The following TTC19 variants were observed in gnomAD, a reference collection of about 807,000 sequenced individuals.
The protein encoded by TTC19 is tetratricopeptide repeat protein 19, mitochondrial.
TTC19 carries 38 observed loss-of-function variants against 49.5 expected under a neutral mutation model. The observed-to-expected ratio is 0.77, with a 90% CI of 0.59 to 1.01. The LOEUF (loss-of-function observed/expected upper bound fraction) is 1.01. TTC19 is among the 50% of genes least tolerant of loss of function. The probability of loss-of-function intolerance (pLI) is 0.00; values close to 1 mark genes in which losing one functional copy is unlikely to be tolerated. For missense variants in TTC19, 475 were observed against 477.7 expected, an observed-to-expected ratio of 0.99 and a Z score of 0.05; for synonymous variants, 204 against 185.2, an observed-to-expected ratio of 1.10 and a Z score of -0.83.
chr17:16,012,447 C>T (rs1397630714), intron 7 of TTC19, among the ~76,000 whole-genome samples: 2 of 151,970 alleles, frequency 1.3e-5, no homozygotes, highest in Non-Finnish European at 2.9e-5. Flanking sequence ...CACCTGTGGT[C>T]CAGCCTGGGT....
At chr17:16,019,889 G>A (rs1409602418) in intron 7 of TTC19, among the ~76,000 whole-genome samples, 2 of 151,802 alleles carry the variant, frequency 1.3e-5, no homozygotes, top group African/African-American at 4.8e-5. Context: ...CATTTTGGGA[G>A]GCTGAGGCAG....
chr17:16,039,795 C>A lies in TTC19; in HGVS notation c.248-4708C>A, dbSNP rs377592761. 9.1e-5 allele frequency: 67 copies of A among 739,820 alleles called. No homozygotes were observed. The East Asian group carries it at 1.3e-3, about 14-fold the overall frequency. 45.8% of individuals were successfully genotyped at this position (739,820 alleles called of 1,614,324 possible). A position where few individuals can be genotyped will look rare whatever the true frequency, so the allele number is the denominator to read the frequency against. ...AATACCAGGACCCACCACACAGAGA[C>A]CTTTTTTTTTGGAGACAGAGTCTCT... On this transcript the variant is annotated intron_variant, in intron 2 of 2. Transcript: ENST00000470649.
At chr17:16,013,364 A>G (rs1201012272) in intron 7 of TTC19, among the ~76,000 whole-genome samples, 4 of 152,164 alleles carry the variant, frequency 2.6e-5, no homozygotes, top group Admixed American at 6.5e-5. Context: ...TGTGCCAGGT[A>G]TTCTAGGATT....
intron 7 of TTC19, among the ~76,000 whole-genome samples, chr17:16,007,873 G>C (rs748867903): frequency 7.9e-5 from 12 of 152,118 alleles, no homozygotes; most frequent in Non-Finnish European, 1.0e-4. Flanking sequence ...GGAGTAGGAG[G>C]GATCACTGTA....
exon 3 of TTC19, chr17:16,044,906 CAAAG>C (rs1218351912): frequency 1.5e-6 from 1 of 680,636 alleles, no homozygotes; most frequent in Admixed American, 2.1e-5. Flanking sequence ...TGGAAGCAAA[CAAAG>C]AAGAATCTGA....
intron 2 of TTC19, chr17:16,034,904 G>A (rs1409742636): frequency 6.2e-7 from 1 of 1,613,962 alleles, no homozygotes; most frequent in African/African-American, 1.3e-5. Flanking sequence ...TAGATTTCCT[G>A]CTGTTTGACT....
intron 2 of TTC19, among the ~76,000 whole-genome samples, chr17:16,042,584 G>A (rs1170493489): frequency 6.6e-6 from 1 of 152,158 alleles, no homozygotes; most frequent in African/African-American, 2.4e-5. Flanking sequence ...CAGGTGACTG[G>A]TACCTACTGT....
At position 16,024,901 on chromosome 17, in the gene TTC19, T is replaced by C. The variant is rs115818258; in HGVS notation, c.677-116T>C. The C allele has an allele frequency of 5.3e-3, 4,931 of 934,884 alleles. 161 individuals are homozygous for C. The African/African-American group carries it at 0.067, about 13-fold the overall frequency. The allele number at this position is 934,884 out of a possible 1,614,324, so 57.9% of individuals were successfully genotyped here. Reference sequence around the variant, plus strand: ...GTCTGGAATAGGTCATTTAACTGGATGTTAATTCACCTACATTGTTCCCTA... The same window carrying C: ...GTCTGGAATAGGTCATTTAACTGGACGTTAATTCACCTACATTGTTCCCTA... On this transcript the variant is annotated intron_variant, in intron 7 of 9. Transcript: ENST00000261647.
At chr17:16,033,315 A>G (rs965759821), downstream of TTC19, among the ~76,000 whole-genome samples, 17 of 149,752 alleles carry the variant, frequency 1.1e-4, no homozygotes, top group African/African-American at 4.0e-4. Flanking sequence ...AGCCTGGGCA[A>G]CAAGAACGAA....
At chr17:16,030,722 C>T (rs1448491969), downstream of TTC19, 2 of 179,278 alleles carry the variant, frequency 1.1e-5, no homozygotes. Context: ...CAAATGTGGG[C>T]TTATGGCCTA....
chr17:16,041,755 A>T (rs572063681), intron 2 of TTC19, among the ~76,000 whole-genome samples: 1 of 144,188 alleles, frequency 6.9e-6, no homozygotes, highest in South Asian at 2.2e-4. Context: ...ATTTATTTTT[A>T]AGACGGAGTC....
At chr17:16,039,026 C>T (rs1288654083) in intron 2 of TTC19, among the ~76,000 whole-genome samples, 4 of 152,216 alleles carry the variant, frequency 2.6e-5, no homozygotes, top group Non-Finnish European at 5.9e-5. Context: ...GCCTCCGCCC[C>T]CCAAAGTGCT....
intron 3 of TTC19, among the ~76,000 whole-genome samples, 164 bp downstream of exon 3, chr17:16,002,189 G>T (rs1469476953): frequency 6.6e-6 from 1 of 151,954 alleles, no homozygotes; most frequent in Admixed American, 6.6e-5. Flanking sequence ...GTTTTGTTTT[G>T]TTTTTTTGAG....
At chr17:16,009,530 T>G (rs1398467223) in intron 7 of TTC19, among the ~76,000 whole-genome samples, 2 of 152,192 alleles carry the variant, frequency 1.3e-5, no homozygotes, top group Non-Finnish European at 2.9e-5. Context: ...GAATTCTTGT[T>G]AGATAGAGCA....
At chr17:16,026,472 G>A in intron 8 of TTC19, 68 bp from the exon 9 acceptor site, 1 of 1,409,920 alleles carries the variant, frequency 7.1e-7, no homozygotes, top group Admixed American at 1.8e-5. Flanking sequence ...AGAGTTGGAT[G>A]CACTCCACAT....
At chr17:16,007,661 G>C (rs1970951278) in intron 7 of TTC19, among the ~76,000 whole-genome samples, 1 of 152,168 alleles carries the variant, frequency 6.6e-6, no homozygotes, top group Non-Finnish European at 1.5e-5. Context: ...ACTGAGGCCA[G>C]CTGCCGTATA....
chr17:16,009,651 T>C (rs1428506220), intron 7 of TTC19, among the ~76,000 whole-genome samples: 2 of 152,212 alleles, frequency 1.3e-5, no homozygotes, highest in Non-Finnish European at 2.9e-5. Flanking sequence ...TTCCTACCTA[T>C]TCAGTTTTGC....
At chr17:16,009,944 G>T (rs1383904616) in intron 7 of TTC19, among the ~76,000 whole-genome samples, 1 of 152,028 alleles carries the variant, frequency 6.6e-6, no homozygotes, top group Non-Finnish European at 1.5e-5. Context: ...AATACAGGCA[G>T]TGATTCTCTT....
downstream of TTC19, chr17:16,032,301 C>T: frequency 1.9e-6 from 3 of 1,611,460 alleles, no homozygotes; most frequent in Non-Finnish European, 2.5e-6. Flanking sequence ...GCAGTTCAGT[C>T]ATCACTATCC....
Sources: gnomAD v4.1 joint callset for allele counts (sites outside exome capture counted in the v4.1 genomes callset) on GRCh38, gnomAD v4.1.1 for gene constraint, MANE v1.5 for transcripts, NCBI Gene and HGNC (gene_info 2026-07-23, HGNC 2026-07-21) for gene names.